CCDC6: variants seen among roughly 807,000 people sequenced by gnomAD.
CCDC6 encodes coiled-coil domain containing 6, also known as coiled-coil domain-containing protein 6.
A neutral mutation model predicts 56.6 loss-of-function variants in CCDC6; 20 were observed. The ratio of observed to expected loss-of-function variants is 0.35; its 90% CI spans 0.25 to 0.51. The LOEUF (loss-of-function observed/expected upper bound fraction) is 0.51. Among genes scored for constraint, CCDC6 ranks in the 20% least tolerant of loss-of-function variants. The pLI is 0.95. For synonymous variants in CCDC6, 241 were observed against 234.4 expected, an observed-to-expected ratio of 1.03 and a Z score of -0.26; for missense variants, 367 against 601.1, an observed-to-expected ratio of 0.61 and a Z score of 4.07.
At chr10:59,804,726 G>T in intron 6 of CCDC6, 2 of 508,236 alleles carry the variant, frequency 3.9e-6, no homozygotes, top group Non-Finnish European at 7.1e-6. Context: ...AGGGTCACCA[G>T]TTGGGAGACC....
chr10:59,863,530 T>G (rs920100388), intron 1 of CCDC6, among the ~76,000 whole-genome samples: 1 of 152,166 alleles, frequency 6.6e-6, no homozygotes, highest in African/African-American at 2.4e-5. Context: ...ACAGAAAGAT[T>G]TGTGGTTGTG....
rs1388844922 is a variant in CCDC6 at position 59,837,764 on chromosome 10, A to AAAG, written c.454-5112_454-5111insCTT. On this transcript the variant is annotated intron_variant, in intron 2 of 8. Coordinates refer to ENST00000263102, the MANE Select transcript of CCDC6 (RefSeq NM_005436.5). Reference sequence around the variant, plus strand: ...TCTGTCTCAAAAAAAAAAAAAAAAAAAAAAAAGAAAGAAGAAGAAGCTTGA... The same window carrying AAAG: ...TCTGTCTCAAAAAAAAAAAAAAAAAAAAGAAAAAAGAAAGAAGAAGAAGCTTGA... Among the ~76,000 whole-genome samples, 122 of 148,604 alleles carry AAAG rather than the reference A, an allele frequency of 8.2e-4. 1 individual carries two copies. Among genetic ancestry groups the AAAG allele is most frequent in the African/African-American group, 2.9e-3 (118 of 40,148 alleles).
intron 1 of CCDC6, among the ~76,000 whole-genome samples, chr10:59,859,511 T>C (rs2071109658): frequency 6.6e-6 from 1 of 152,110 alleles, no homozygotes; most frequent in Non-Finnish European, 1.5e-5. Context: ...ACAGAACTTC[T>C]TAAAATAAAT....
chr10:59,790,684 T>C lies in CCDC6; in HGVS notation c.*2233A>G, dbSNP rs1033612394. 4.5e-6 allele frequency: 1 copy of C among 221,090 alleles called. No homozygotes were observed. The highest frequency in any genetic ancestry group is 2.2e-5 in the African/African-American group (1 of 44,546). The allele number at this position is 221,090 out of a possible 1,614,324, so 13.7% of individuals were successfully genotyped here. On this transcript the variant is annotated 3_prime_UTR_variant, in exon 9 of 9. Transcript: ENST00000263102. ...TGCTGTTTGAAGGAGCTGTGTTTTA[T>C]TTCGAAGTGAAATGACTTTGGGAAC...
intron 7 of CCDC6, among the ~76,000 whole-genome samples, chr10:59,801,609 T>C (rs2070575408): frequency 6.6e-6 from 1 of 152,228 alleles, no homozygotes; most frequent in Non-Finnish European, 1.5e-5. Context: ...AGTAGAGTTA[T>C]TTCCATCTCC....
intron 1 of CCDC6, among the ~76,000 whole-genome samples, chr10:59,857,658 A>G (rs919936073): frequency 3.2e-4 from 49 of 152,078 alleles, no homozygotes; most frequent in Non-Finnish European, 8.8e-5. Context: ...GCCTACCAAG[A>G]TAACACATTT....
chr10:59,854,197 A>G (rs1366627734), intron 1 of CCDC6, among the ~76,000 whole-genome samples: 2 of 152,106 alleles, frequency 1.3e-5, no homozygotes. Flanking sequence ...GGCTCCGACA[A>G]TCAATCCCAA....
chr10:59,804,973 T>C (rs1213898770), intron 6 of CCDC6: 1 of 173,328 alleles, frequency 5.8e-6, no homozygotes, highest in Non-Finnish European at 1.3e-5. Flanking sequence ...CTTATTCCTA[T>C]GAACTGAGTA....
rs561751506 is a variant in CCDC6, at chr10:59,903,345, T to C, written c.303+2777A>G. Among the ~76,000 whole-genome samples the C allele has an allele frequency of 3.9e-5, 6 of 152,328 alleles. No homozygotes were observed. In the East Asian group the frequency reaches 5.8e-4, roughly 15 times the overall value. On this transcript the variant is annotated intron_variant, in intron 1 of 8. Coordinates refer to ENST00000263102, the MANE Select transcript of CCDC6 (RefSeq NM_005436.5). ...ACTGACTATAACAAATGGACCACTA[T>C]GATGAAAGATGTTGATGGTGGAGGA...
intron 2 of CCDC6, among the ~76,000 whole-genome samples, chr10:59,851,563 G>A (rs529228157): frequency 5.1e-4 from 78 of 152,252 alleles, no homozygotes; most frequent in African/African-American, 1.3e-3. Context: ...CATTAAAGTT[G>A]CTACATCAGA....
At chr10:59,865,624 C>T (rs751645840) in intron 1 of CCDC6, among the ~76,000 whole-genome samples, 13 of 151,924 alleles carry the variant, frequency 8.6e-5, no homozygotes, top group Admixed American at 4.6e-4. Context: ...GAGGCCGAGG[C>T]GGGCAGATCA....
At chr10:59,825,624 A>G (rs1396438753) in intron 3 of CCDC6, among the ~76,000 whole-genome samples, 5 of 152,222 alleles carry the variant, frequency 3.3e-5, no homozygotes, top group Non-Finnish European at 7.3e-5. Context: ...TATCTGTATA[A>G]TTCACTAGAG....
chr10:59,833,100 T>C (rs1249813973), intron 2 of CCDC6, among the ~76,000 whole-genome samples: 1 of 152,182 alleles, frequency 6.6e-6, no homozygotes, highest in Non-Finnish European at 1.5e-5. Context: ...AGCACAATTA[T>C]TTTTCCATAC....
intron 1 of CCDC6, among the ~76,000 whole-genome samples, chr10:59,888,453 CA>C (rs1336150115): frequency 6.6e-6 from 1 of 152,188 alleles, no homozygotes; most frequent in Non-Finnish European, 1.5e-5. Flanking sequence ...AGGGCAGAAC[CA>C]GCAAAACTGG....
rs564325065 is a variant in CCDC6, at chr10:59,883,665, C to A, written c.303+22457G>T. Among the ~76,000 whole-genome samples, 45 of 152,266 alleles carry A rather than the reference C, an allele frequency of 3.0e-4. No homozygotes were observed. The South Asian group carries it at 8.9e-3, about 30-fold the overall frequency. Reference sequence around the variant, plus strand: ...GACCATAATATTAAAAGTTTATATTCTTTTTGTTGGTTTCACGTACACAAA... The same window carrying A: ...GACCATAATATTAAAAGTTTATATTATTTTTGTTGGTTTCACGTACACAAA... On this transcript the variant is annotated intron_variant, in intron 1 of 8. Coordinates refer to ENST00000263102, the MANE Select transcript of CCDC6 (RefSeq NM_005436.5).
intron 1 of CCDC6, among the ~76,000 whole-genome samples, chr10:59,861,900 A>G (rs2071131889): frequency 6.6e-6 from 1 of 152,212 alleles, no homozygotes; most frequent in Non-Finnish European, 1.5e-5. Context: ...AGACTTGAGA[A>G]GATATGGCGA....
At chr10:59,900,770 A>G (rs1055161712) in intron 1 of CCDC6, among the ~76,000 whole-genome samples, 1 of 152,190 alleles carries the variant, frequency 6.6e-6, no homozygotes, top group Non-Finnish European at 1.5e-5. Flanking sequence ...TTAAAATTTC[A>G]GCTTTTGGCT....
intron 2 of CCDC6, among the ~76,000 whole-genome samples, chr10:59,851,825 G>A (rs2071042066): frequency 1.3e-5 from 2 of 151,806 alleles, no homozygotes; most frequent in Admixed American, 1.3e-4. Context: ...GTTAAATAAT[G>A]AAAACTCAAT....
At chr10:59,823,287 G>A (rs1370950660) in intron 3 of CCDC6, among the ~76,000 whole-genome samples, 2 of 152,190 alleles carry the variant, frequency 1.3e-5, no homozygotes, top group Non-Finnish European at 2.9e-5. Context: ...CACTTAAGCC[G>A]TCCATGGACA....
Sources: allele counts gnomAD v4.1 joint callset (sites outside exome capture counted in the v4.1 genomes callset), GRCh38; gene constraint gnomAD v4.1.1; transcripts MANE v1.5; gene names NCBI Gene and HGNC (gene_info 2026-07-23, HGNC 2026-07-21).